LCA5: variants seen among roughly 807,000 people sequenced by gnomAD.
The protein encoded by LCA5 is lebercilin.
A neutral mutation model predicts 53.0 loss-of-function variants in LCA5; 37 were observed. The ratio of observed to expected loss-of-function variants is 0.70; its 90% CI spans 0.54 to 0.92. The LOEUF is 0.92. Ranked by LOEUF, LCA5 falls within the 40% of genes least tolerant of loss-of-function variation. The pLI is 0.00. For synonymous variants in LCA5, 303 were observed against 282.9 expected (o/e 1.07, Z -0.71); for missense variants, 806 against 790.5 (o/e 1.02, Z -0.23).
chr6:79,518,169 A>C (rs988343316), intron 2 of LCA5, among the ~76,000 whole-genome samples: 13 of 152,188 alleles, frequency 8.5e-5, no homozygotes, highest in African/African-American at 3.1e-4. Context: ...AATGACTTCT[A>C]ATGATTAATC....
chr6:79,513,165 T>G, intron 3 of LCA5, 47 bp downstream of exon 3: 4 of 1,559,664 alleles, frequency 2.6e-6, no homozygotes, highest in Non-Finnish European at 3.5e-6. Flanking sequence ...AAATGCCCAA[T>G]GAGAAACATC....
intron 2 of LCA5, 133 bp from the exon 3 acceptor site, chr6:79,513,874 G>C: frequency 1.2e-6 from 1 of 830,872 alleles, no homozygotes; most frequent in South Asian, 1.6e-5. Flanking sequence ...ACAATATTTA[G>C]TAAAGTATCA....
At chr6:79,492,716 T>A in intron 4 of LCA5, 69 bp from the exon 5 acceptor site, 1 of 792,584 alleles carries the variant, frequency 1.3e-6, no homozygotes, top group Non-Finnish European at 2.1e-6. Flanking sequence ...CCCCTCACTT[T>A]GTCATCTGGT....
At chr6:79,532,178 G>A (rs910405535) in intron 1 of LCA5, among the ~76,000 whole-genome samples, 2 of 152,062 alleles carry the variant, frequency 1.3e-5, no homozygotes, top group Admixed American at 6.6e-5. Context: ...TGTAAAACAA[G>A]ACACTTTAAT....
chr6:79,502,878 T>C (rs764948337), intron 3 of LCA5, among the ~76,000 whole-genome samples: 1 of 151,886 alleles, frequency 6.6e-6, no homozygotes, highest in Admixed American at 6.6e-5. Flanking sequence ...TTCTTTTTTG[T>C]TTTGTTTTGT....
chr6:79,493,587 A>G (rs767521294), intron 4 of LCA5, 26 bp downstream of exon 4: 19 of 1,596,670 alleles, frequency 1.2e-5, no homozygotes, highest in Non-Finnish European at 1.5e-5. Context: ...CACATTATGG[A>G]AAACAATGCA....
chr6:79,491,975 G>A (rs190966304), intron 5 of LCA5, among the ~76,000 whole-genome samples: 3 of 151,876 alleles, frequency 2.0e-5, no homozygotes, highest in Admixed American at 1.3e-4. Flanking sequence ...AGGATTTACT[G>A]GCAATTATAT....
intron 1 of LCA5, among the ~76,000 whole-genome samples, chr6:79,525,977 T>C (rs552710547): frequency 6.6e-6 from 1 of 152,338 alleles, no homozygotes; most frequent in East Asian, 1.9e-4. Context: ...TTAGGAATTA[T>C]GGGTGTATAG....
At chr6:79,529,257 C>A (rs1476338841) in intron 1 of LCA5, among the ~76,000 whole-genome samples, 1 of 152,170 alleles carries the variant, frequency 6.6e-6, no homozygotes, top group Non-Finnish European at 1.5e-5. Flanking sequence ...TAAAGCAATT[C>A]AAGTACCAGA....
chr6:79,513,292 G>A lies in LCA5; in HGVS notation c.640C>T (p.His214Tyr), dbSNP rs1338116159. ...GCCAAATCATCTCGTTCAGGTAGGTGTCTAGCTTCAGAGATCTCTTTCAGT... is the reference window on the plus strand; with the variant it reads ...GCCAAATCATCTCGTTCAGGTAGGTATCTAGCTTCAGAGATCTCTTTCAGT... Reference protein sequence around the residue: ...QKLKEISEARHLPERDDLAKK... With the variant: ...QKLKEISEARYLPERDDLAKK... The change falls in exon 3 of 8, where the codon CAC (histidine) becomes TAC (tyrosine). Residue 214 changes from histidine (H) to tyrosine (Y), a missense_variant. Transcript: ENST00000369846. 2.5e-6 allele frequency: 4 copies of A among 1,613,634 alleles called. No homozygotes were observed. Among genetic ancestry groups the A allele is most frequent in the South Asian group, 1.1e-5 (1 of 91,056 alleles).
chr6:79,534,165 A>G (rs1767041270), intron 1 of LCA5, among the ~76,000 whole-genome samples: 1 of 151,252 alleles, frequency 6.6e-6, no homozygotes, highest in Non-Finnish European at 1.5e-5. Flanking sequence ...TCCTTATTAT[A>G]CTACTTATCT....
rs117828886 is a variant in LCA5 at position 79,495,434 on chromosome 6, A to G, written c.721-1684T>C. Among the ~76,000 whole-genome samples, 878 of 152,192 alleles carry G rather than the reference A, an allele frequency of 5.8e-3. 4 individuals carry two copies. The highest frequency in any genetic ancestry group is 8.9e-3 in the Non-Finnish European group (607 of 67,996). ...AAATCCAGGCATACTCAAGTCCTGC[A>G]GTCAGTCCTGTGGAACCTGAGTATA... On this transcript the variant is annotated intron_variant, in intron 3 of 7. Transcript: ENST00000369846.
chr6:79,499,390 A>G (rs1222542880), intron 3 of LCA5, among the ~76,000 whole-genome samples: 2 of 152,138 alleles, frequency 1.3e-5, no homozygotes, highest in Non-Finnish European at 2.9e-5. Flanking sequence ...GTTACTTCTG[A>G]GCAAGGAGAG....
At chr6:79,509,453 CA>C (rs55961532) in intron 3 of LCA5, among the ~76,000 whole-genome samples, 18,339 of 84,228 alleles carry the variant, frequency 0.22, 1,061 homozygotes, top group African/African-American at 0.33. Flanking sequence ...GACTCCGTCT[CA>C]AAAAAAAAAA....
chr6:79,489,054 T>G, intron 7 of LCA5, 30 bp downstream of exon 7: 1 of 1,611,108 alleles, frequency 6.2e-7, no homozygotes, highest in South Asian at 1.1e-5. Context: ...TGCTGACTTG[T>G]CACATGCTTA....
At chr6:79,537,743 C>T (rs1051540722), upstream of LCA5, among the ~76,000 whole-genome samples, 1 of 152,122 alleles carries the variant, frequency 6.6e-6, no homozygotes, top group Non-Finnish European at 1.5e-5. Context: ...GTAAAATTGG[C>T]GACTGCGTAA....
chr6:79,534,950 G>C (rs1767067249), intron 1 of LCA5, among the ~76,000 whole-genome samples: 1 of 152,168 alleles, frequency 6.6e-6, no homozygotes, highest in Non-Finnish European at 1.5e-5. Flanking sequence ...TATGCGGCAA[G>C]TGTAAAATAC....
At chr6:79,495,728 G>A (rs1042501155) in intron 3 of LCA5, among the ~76,000 whole-genome samples, 1 of 145,076 alleles carries the variant, frequency 6.9e-6, no homozygotes, top group South Asian at 2.2e-4. Context: ...TCCAGCCTGG[G>A]TGACAGAGCA....
Position 79,489,068 on chromosome 6 carries a change from A to T in LCA5, c.1231+16T>A. 4 of 1,612,556 alleles carry T rather than the reference A, an allele frequency of 2.5e-6. No individual in the cohort carries two copies. Among genetic ancestry groups the T allele is most frequent in the Non-Finnish European group, 3.4e-6 (4 of 1,179,676 alleles). On this transcript the variant is annotated intron_variant, in intron 7 of 7. Transcript: ENST00000369846. ...ATGCTGACTTGTCACATGCTTAAAC[A>T]AACTCTTTTTCTTACCATCCTCCAG... is the stretch of plus-strand genomic sequence containing the variant.
Sources: gnomAD v4.1 joint callset for allele counts (sites outside exome capture counted in the v4.1 genomes callset) on GRCh38, gnomAD v4.1.1 for gene constraint, MANE v1.5 for transcripts, NCBI Gene and HGNC (gene_info 2026-07-23, HGNC 2026-07-21) for gene names.